The following MEGF6 variants were observed in gnomAD, a reference collection of about 807,000 sequenced individuals.
MEGF6 encodes the protein multiple epidermal growth factor-like domains protein 6.
A neutral mutation model predicts 207.1 loss-of-function variants in MEGF6; 184 were observed. That is an observed-to-expected ratio of 0.89 (90% CI 0.79 to 1.00). The LOEUF is 1.00. Ranked by LOEUF, MEGF6 falls within the 50% of genes least tolerant of loss-of-function variation. The pLI is 0.00. For missense variants in MEGF6, 2,282 were observed against 2,202.9 expected, an observed-to-expected ratio of 1.04 and a Z score of -0.72; for synonymous variants, 1,038 against 910.0, an observed-to-expected ratio of 1.14 and a Z score of -2.53.
intron 4 of MEGF6, among the ~76,000 whole-genome samples, chr1:3,535,729 C>G (rs764868542): frequency 6.6e-6 from 1 of 152,256 alleles, no homozygotes; most frequent in Non-Finnish European, 1.5e-5. Context: ...TGGGGTTTCG[C>G]TAAGCCAGTT....
the MEGF6 span, among the ~76,000 whole-genome samples, chr1:3,618,043 A>G: frequency 2.0e-5 from 3 of 152,112 alleles, no homozygotes; most frequent in Non-Finnish European, 4.4e-5. The surrounding 1 kb of genome is among the most constrained non-coding windows in gnomAD (Gnocchi z 4.7). Flanking sequence ...TGGGGCAGCG[A>G]CACCCTGCAG....
At chr1:3,551,527 G>A (rs1642883563) in intron 4 of MEGF6, among the ~76,000 whole-genome samples, 1 of 152,160 alleles carries the variant, frequency 6.6e-6, no homozygotes, top group South Asian at 2.1e-4. Flanking sequence ...AGGCTGGCTG[G>A]AAACCCTCCC....
chr1:3,526,545 C>A (rs1641971293), intron 4 of MEGF6, among the ~76,000 whole-genome samples: 1 of 152,090 alleles, frequency 6.6e-6, no homozygotes, highest in Non-Finnish European at 1.5e-5. Flanking sequence ...ATTACAGGCA[C>A]CCGCCACCAC....
chr1:3,495,827 C>G, intron 30 of MEGF6, 63 bp downstream of exon 30: 2 of 1,563,076 alleles, frequency 1.3e-6, no homozygotes, highest in Non-Finnish European at 1.7e-6. Context: ...AGTGTCCCCA[C>G]GGCTAATCCA....
chr1:3,564,067 T>A (rs1643279292), intron 4 of MEGF6, among the ~76,000 whole-genome samples: 1 of 151,996 alleles, frequency 6.6e-6, no homozygotes, highest in Non-Finnish European at 1.5e-5. Context: ...GCAAGCTGAT[T>A]TACTGTCAGT....
chr1:3,590,302 G>T (rs932889036), intron 3 of MEGF6, among the ~76,000 whole-genome samples: 1 of 152,218 alleles, frequency 6.6e-6, no homozygotes, highest in Non-Finnish European at 1.5e-5. Context: ...CAGGACCAGG[G>T]AGACTCCGGC....
chr1:3,538,184 G>C (rs909235139), intron 4 of MEGF6, among the ~76,000 whole-genome samples: 17 of 152,216 alleles, frequency 1.1e-4, no homozygotes, highest in Non-Finnish European at 1.5e-5. Flanking sequence ...GCCCAGCCCA[G>C]AGCAGGAGGT....
chr1:3,493,736 A>G (rs760835544), intron 34 of MEGF6, 35 bp downstream of exon 34: 1 of 1,602,654 alleles, frequency 6.2e-7, no homozygotes, highest in Non-Finnish European at 8.5e-7. Context: ...GGAGACCCAC[A>G]CCCACGCCCT....
At chr1:3,510,080 G>A in intron 10 of MEGF6, 88 bp from the exon 11 acceptor site, 1 of 1,485,292 alleles carries the variant, frequency 6.7e-7, no homozygotes, top group East Asian at 2.5e-5. Context: ...CCACAGGACT[G>A]AAGCCCTGGT....
intron 2 of MEGF6, among the ~76,000 whole-genome samples, chr1:3,599,821 G>A (rs554917209): frequency 1.0e-3 from 153 of 152,130 alleles, no homozygotes; most frequent in African/African-American, 3.5e-3. Context: ...CCCTGCTGGG[G>A]CTGTTCTGCG....
At chr1:3,570,706 G>T (rs1200361672) in intron 4 of MEGF6, among the ~76,000 whole-genome samples, 1 of 152,224 alleles carries the variant, frequency 6.6e-6, no homozygotes, top group Non-Finnish European at 1.5e-5. Context: ...GGCTGCCCCT[G>T]CCCTGCCCCT....
intron 4 of MEGF6, among the ~76,000 whole-genome samples, chr1:3,569,385 G>T (rs1447351132): frequency 6.6e-6 from 1 of 152,278 alleles, no homozygotes; most frequent in Non-Finnish European, 1.5e-5. Context: ...AGCAACTCAA[G>T]AACTGCCAGG....
chr1:3,545,065 C>T (rs1276411430), intron 4 of MEGF6, among the ~76,000 whole-genome samples: 1 of 152,150 alleles, frequency 6.6e-6, no homozygotes, highest in Non-Finnish European at 1.5e-5. Flanking sequence ...GGCGGCGGGG[C>T]CAGCCCTCTC....
intron 4 of MEGF6, among the ~76,000 whole-genome samples, chr1:3,570,279 T>C (rs181580167): frequency 6.6e-6 from 1 of 151,932 alleles, no homozygotes; most frequent in African/African-American, 2.4e-5. Context: ...CTGAGGCCAG[T>C]GAAGCCAAAG....
At chr1:3,513,715 G>A (rs1371017809) in intron 7 of MEGF6, among the ~76,000 whole-genome samples, 6 of 149,436 alleles carry the variant, frequency 4.0e-5, no homozygotes, top group South Asian at 2.1e-4. Context: ...CTCAGATTCC[G>A]GAGTAGCTAG....
Position 3,494,471 on chromosome 1 carries a change from G to A in MEGF6, c.4029C>T (p.Ala1343=), listed in dbSNP as rs1412017316. The A allele has an allele frequency of 6.3e-7, 1 of 1,583,222 alleles. No individual in the cohort carries two copies. Among genetic ancestry groups the A allele is most frequent in the African/African-American group, 1.3e-5 (1 of 74,542 alleles). The stretch of plus-strand genomic sequence containing the variant: ...TGTGGCAGGAGCACTCCAGATGGCA[G>A]GCGGCTCCGTAGCGCCCAGGGGGAC... ...LACPPGRYGA[A]CHLECSCHNN... is the part of the protein sequence containing the mutation. The change falls in exon 32 of 37, where the codon GCC becomes GCT. Residue 1343 remains alanine (A), a synonymous_variant. Transcript: ENST00000356575.
At chr1:3,511,926 A>C in intron 8 of MEGF6, 80 bp downstream of exon 8, 3 of 1,595,068 alleles carry the variant, frequency 1.9e-6, no homozygotes, top group Non-Finnish European at 1.7e-6. Flanking sequence ...CCTGCCCTTC[A>C]GCCAAAGCAG....
At chr1:3,493,219 T>C (rs1640447782) in intron 34 of MEGF6, 1 of 218,336 alleles carries the variant, frequency 4.6e-6, no homozygotes, top group Non-Finnish European at 9.2e-6. Flanking sequence ...CCTCCTATCC[T>C]CAGGTGGGTC....
chr1:3,513,152 C>T (rs1641413880), intron 7 of MEGF6, among the ~76,000 whole-genome samples: 3 of 152,174 alleles, frequency 2.0e-5, no homozygotes, highest in Non-Finnish European at 2.9e-5. Flanking sequence ...TTCCTGGGCT[C>T]AGGAACAATG....
Sources: allele counts gnomAD v4.1 joint callset (sites outside exome capture counted in the v4.1 genomes callset), GRCh38; gene constraint gnomAD v4.1.1; non-coding constraint Gnocchi (gnomAD v3.1); transcripts MANE v1.5; gene names NCBI Gene and HGNC (gene_info 2026-07-23, HGNC 2026-07-21).